Variants in PREX2 observed in about 807,000 individuals in gnomAD.
PREX2 encodes the protein phosphatidylinositol 3,4,5-trisphosphate-dependent Rac exchanger 2 protein.
PREX2 carries 107 observed loss-of-function variants against 203.2 expected under a neutral mutation model. That is an observed-to-expected ratio of 0.53 (90% confidence interval 0.45 to 0.62). The LOEUF is 0.62. Ranked by LOEUF, PREX2 falls within the 20% of genes least tolerant of loss-of-function variation. The pLI is 0.00. For synonymous variants in PREX2, 672 were observed against 663.6 expected (o/e 1.01, Z -0.19); for missense variants, 1,777 against 1,955.9 (o/e 0.91, Z 1.72).
At chr8:68,178,531 A>T (rs1812025994) in intron 35 of PREX2, among the ~76,000 whole-genome samples, 2 of 151,950 alleles carry the variant, frequency 1.3e-5, no homozygotes, top group Admixed American at 6.6e-5. Flanking sequence ...GCAGTTGGAT[A>T]GATTGCAAAA....
At chr8:68,026,717 A>G (rs1229410087) in intron 4 of PREX2, among the ~76,000 whole-genome samples, 1 of 152,076 alleles carries the variant, frequency 6.6e-6, no homozygotes, top group Non-Finnish European at 1.5e-5. Flanking sequence ...CTCAGAGATC[A>G]CTTGCTTAAA....
intron 38 of PREX2, among the ~76,000 whole-genome samples, chr8:68,221,264 T>C (rs1319995685): frequency 6.6e-6 from 1 of 152,216 alleles, no homozygotes; most frequent in Non-Finnish European, 1.5e-5. Flanking sequence ...CAGCCCACTG[T>C]TGATGGGCAC....
chr8:67,976,425 CAGAGAGAGAGATGGGAGAGAGACAG>C (rs1563479821), intron 1 of PREX2, among the ~76,000 whole-genome samples: 2 of 124,342 alleles, frequency 1.6e-5, no homozygotes, highest in East Asian at 2.6e-4. Flanking sequence ...AGGAGAGAGA[CAGAGAGAGAGATGGGAGAGAGACAG>C]AGAGAGAGAG....
chr8:68,034,004 C>T (rs1327194734), intron 6 of PREX2, among the ~76,000 whole-genome samples: 1 of 152,116 alleles, frequency 6.6e-6, no homozygotes, highest in Non-Finnish European at 1.5e-5. Flanking sequence ...TTCCTTACTA[C>T]GTGCTATTAT....
chr8:68,058,366 G>A (rs1350559170), intron 10 of PREX2, among the ~76,000 whole-genome samples: 1 of 151,926 alleles, frequency 6.6e-6, no homozygotes, highest in African/African-American at 2.4e-5. Flanking sequence ...CTCACTATGT[G>A]CCAGGCCCCG....
chr8:67,956,995 A>G (rs921723130), intron 1 of PREX2, among the ~76,000 whole-genome samples: 4 of 152,182 alleles, frequency 2.6e-5, no homozygotes, highest in Non-Finnish European at 5.9e-5. Flanking sequence ...AGCATTTCTC[A>G]GGGGTATTGT....
chr8:68,017,090 T>C (rs1038596680), intron 1 of PREX2, among the ~76,000 whole-genome samples: 1 of 152,218 alleles, frequency 6.6e-6, no homozygotes, highest in African/African-American at 2.4e-5. Context: ...ACTTTCTTTT[T>C]CAAGGCTCAA....
Position 67,984,271 on chromosome 8 carries a change from C to T in PREX2, c.141+31736C>T, listed in dbSNP as rs188732671. 2.6e-5 allele frequency among the ~76,000 whole-genome samples: 4 copies of T among 152,164 alleles called. No homozygotes were observed. In the East Asian group the frequency reaches 7.8e-4, roughly 30 times the overall value. On this transcript the variant is annotated intron_variant, in intron 1 of 39. Transcript: ENST00000288368. ...TACACATCCGTGTCCCCTACTGGATCATGAACTCATTAAGAACGAAGAGTA... is the reference window on the plus strand; with the variant it reads ...TACACATCCGTGTCCCCTACTGGATTATGAACTCATTAAGAACGAAGAGTA...
intron 1 of PREX2, among the ~76,000 whole-genome samples, chr8:67,996,465 A>AT (rs1358100849): frequency 2.6e-5 from 4 of 152,036 alleles, no homozygotes; most frequent in Non-Finnish European, 2.9e-5. Flanking sequence ...AAGTGCTGCT[A>AT]TTATAGGCAT....
intron 35 of PREX2, among the ~76,000 whole-genome samples, chr8:68,176,233 T>G (rs532429052): frequency 6.6e-6 from 1 of 152,268 alleles, no homozygotes; most frequent in African/African-American, 2.4e-5. Context: ...CTTTCTAGTC[T>G]TAAGGAGAAG....
rs35288660 is a variant in PREX2 at position 67,975,870 on chromosome 8, A to AT, written c.141+23352dup. Among the ~76,000 whole-genome samples the AT allele has an allele frequency of 4.2e-3, 565 of 133,166 alleles. 1 individual carries two copies. The highest frequency in any genetic ancestry group is 6.0e-3 in the Non-Finnish European group (373 of 62,156). The allele number at this position is 133,166 out of a possible 152,430, so 87.4% of individuals were successfully genotyped here. On this transcript the variant is annotated intron_variant, in intron 1 of 39. Coordinates refer to ENST00000288368, the MANE Select transcript of PREX2 (RefSeq NM_024870.4). ...AGGCGTGTGCCACCATGCCCGGCTA[A>AT]TTTTTTTTTTTTTTTTTGTATTTTT... is the stretch of plus-strand genomic sequence containing the variant.
chr8:68,057,454 G>T lies in PREX2; in HGVS notation c.1238+1480G>T, dbSNP rs6472374. Among the ~76,000 whole-genome samples the T allele has an allele frequency of 9.9e-5, 15 of 152,126 alleles. 1 individual carries two copies. The East Asian group carries it at 2.9e-3, about 29-fold the overall frequency. ...CAACCCCCAACTCAGAAATCTATAGGCCAGGAAACCCTCTGCCTGCAGAGC... is the reference window on the plus strand; with the variant it reads ...CAACCCCCAACTCAGAAATCTATAGTCCAGGAAACCCTCTGCCTGCAGAGC... On this transcript the variant is annotated intron_variant, in intron 10 of 39. Coordinates refer to ENST00000288368, the MANE Select transcript of PREX2 (RefSeq NM_024870.4).
chr8:68,098,725 C>CTAATGA (rs1396611549), intron 22 of PREX2, among the ~76,000 whole-genome samples: 5 of 151,706 alleles, frequency 3.3e-5, no homozygotes, highest in Non-Finnish European at 7.4e-5. Flanking sequence ...GGTCACCCTG[C>CTAATGA]TAATGATAAA....
At chr8:68,228,626 C>G (rs1813098815) in intron 39 of PREX2, among the ~76,000 whole-genome samples, 1 of 151,840 alleles carries the variant, frequency 6.6e-6, no homozygotes, top group Non-Finnish European at 1.5e-5. Context: ...ATTAGCTGGG[C>G]ATGGTGGCAT....
chr8:68,032,699 A>G (rs1168010424), intron 6 of PREX2, among the ~76,000 whole-genome samples: 4 of 152,172 alleles, frequency 2.6e-5, no homozygotes, highest in African/African-American at 9.6e-5. Flanking sequence ...GGAAGCTGTA[A>G]TGAGTTAAAG....
In PREX2 at chr8:68,236,039, TA is replaced by T. The variant is rs1287691807; in HGVS notation, c.*4666del. On this transcript the variant is annotated 3_prime_UTR_variant, in exon 40 of 40. Coordinates refer to ENST00000288368, the MANE Select transcript of PREX2 (RefSeq NM_024870.4). ...TTTACTAGTGTTTGTGATAATGTTA[TA>T]AAAATTAATAAGATTGTTTTGTTTT... 6.6e-6 allele frequency: 1 copy of T among 152,182 alleles called. No homozygotes were observed. Among genetic ancestry groups the T allele is most frequent in the Non-Finnish European group, 1.5e-5 (1 of 68,026 alleles). The allele number at this position is 152,182 out of a possible 1,614,324, so 9.4% of individuals were successfully genotyped here.
chr8:68,164,345 A>ATG, intron 35 of PREX2, among the ~76,000 whole-genome samples: 1 of 113,762 alleles, frequency 8.8e-6, no homozygotes. Context: ...AGGCCTTAAT[A>ATG]TGTATTATAT....
At chr8:67,957,695 A>G (rs1284722672) in intron 1 of PREX2, among the ~76,000 whole-genome samples, 1 of 152,188 alleles carries the variant, frequency 6.6e-6, no homozygotes, top group East Asian at 1.9e-4. Context: ...GCAGAATTTG[A>G]ATGCATCTGA....
At chr8:68,093,406 A>G (rs1195997255) in intron 20 of PREX2, among the ~76,000 whole-genome samples, 199 bp from the exon 21 acceptor site, 3 of 150,312 alleles carry the variant, frequency 2.0e-5, no homozygotes, top group African/African-American at 5.0e-5. Flanking sequence ...AAAAAAAAAA[A>G]AAAAAGAAAG....
Sources: allele counts gnomAD v4.1 joint callset (sites outside exome capture counted in the v4.1 genomes callset), GRCh38; gene constraint gnomAD v4.1.1; transcripts MANE v1.5; gene names NCBI Gene and HGNC (gene_info 2026-07-23, HGNC 2026-07-21).